SLC36A1: variants seen among roughly 807,000 people sequenced by gnomAD.
SLC36A1 encodes solute carrier family 36 member 1.
Under a neutral mutation model 47.5 loss-of-function variants are expected in SLC36A1, and 30 were observed. That is an observed-to-expected ratio of 0.63 (90% CI 0.47 to 0.86). The LOEUF (loss-of-function observed/expected upper bound fraction) is 0.86. Among genes scored for constraint, SLC36A1 ranks in the 40% least tolerant of loss-of-function variants. SLC36A1 has a pLI of 0.00. For missense variants in SLC36A1, 517 were observed against 606.0 expected (o/e 0.85, Z 1.54); for synonymous variants, 255 against 249.7 (o/e 1.02, Z -0.20).
Position 151,468,301 on chromosome 5 carries a change from T to TAAAAA in SLC36A1, c.723+377_723+378insAAAAA, listed in dbSNP as rs1440214030. On this transcript the variant is annotated intron_variant, in intron 7 of 10. Transcript: ENST00000243389. ...TATATATATATATATATATTTTATA[T>TAAAAA]ATATATATTTACATATATGTGTATA... is the stretch of plus-strand genomic sequence containing the variant. Among the ~76,000 whole-genome samples, 77 of 93,374 alleles carry TAAAAA rather than the reference T, an allele frequency of 8.2e-4. 1 individual carries two copies. The highest frequency in any genetic ancestry group is 2.5e-3 in the African/African-American group (62 of 24,842). 61.3% of individuals were successfully genotyped at this position (93,374 alleles called of 152,430 possible). A position where few individuals can be genotyped will look rare whatever the true frequency, so the allele number is the denominator to read the frequency against.
chr5:151,374,129 GGACACCTACCCTGGCCGGAA>G, the SLC36A1 span, among the ~76,000 whole-genome samples: 3 of 152,150 alleles, frequency 2.0e-5, no homozygotes, highest in Non-Finnish European at 1.5e-5. Flanking sequence ...GCTGGCTGGA[GGACACCTACCCTGGCCGGAA>G]GACACCTACC....
intron 1 of SLC36A1, among the ~76,000 whole-genome samples, chr5:151,441,375 T>C: frequency 6.6e-6 from 1 of 152,232 alleles, no homozygotes. Context: ...CAAGAGGTTG[T>C]ATTTAATGTA....
the SLC36A1 span, chr5:151,525,922 C>T: frequency 1.9e-6 from 3 of 1,614,206 alleles, no homozygotes; most frequent in Middle Eastern, 3.3e-4. Flanking sequence ...ATCTGGGTCA[C>T]TCAGGATCAG....
rs186971721 is a variant in SLC36A1 at position 151,452,691 on chromosome 5, A to C, written c.-6+4878A>C. ...TGAGACCAGCCTGGCCAACACGGAG[A>C]AACTCCATCTCTACTAAAAACACAA... is the stretch of plus-strand genomic sequence containing the variant. On this transcript the variant is annotated intron_variant, in intron 1 of 10. Coordinates refer to ENST00000243389, the MANE Select transcript of SLC36A1 (RefSeq NM_078483.4). Among the ~76,000 whole-genome samples the C allele has an allele frequency of 4.0e-3, 602 of 152,078 alleles. 5 individuals are homozygous for C. Among genetic ancestry groups the C allele is most frequent in the African/African-American group, 0.014 (571 of 41,464 alleles).
chr5:151,473,981 G>A (rs1216547651), intron 8 of SLC36A1, among the ~76,000 whole-genome samples: 1 of 151,510 alleles, frequency 6.6e-6, no homozygotes, highest in Non-Finnish European at 1.5e-5. Flanking sequence ...CCAACATGGT[G>A]AAACCCCATC....
chr5:151,367,613 T>C, the SLC36A1 span, among the ~76,000 whole-genome samples: 474 of 152,268 alleles, frequency 3.1e-3, 2 homozygotes, highest in African/African-American at 0.011. Flanking sequence ...ACAATCAATT[T>C]GTACAGTTAA....
chr5:151,365,313 T>C, the SLC36A1 span, among the ~76,000 whole-genome samples: 1 of 152,228 alleles, frequency 6.6e-6, no homozygotes, highest in African/African-American at 2.4e-5. Context: ...CTGTGGCATA[T>C]AGATGTGATG....
the SLC36A1 span, among the ~76,000 whole-genome samples, chr5:151,539,970 G>T: frequency 5.4e-3 from 816 of 152,358 alleles, 8 homozygotes; most frequent in African/African-American, 0.018. Flanking sequence ...CAGATGTGAG[G>T]AGGTGCATAT....
At chr5:151,429,108 A>G in the SLC36A1 span, among the ~76,000 whole-genome samples, 1 of 152,228 alleles carries the variant, frequency 6.6e-6, no homozygotes, top group African/African-American at 2.4e-5. Context: ...CATGATGCTT[A>G]TCCCTATGGC....
At chr5:151,461,156 T>C (rs917443287) in intron 2 of SLC36A1, among the ~76,000 whole-genome samples, 1 of 52,616 alleles carries the variant, frequency 1.9e-5, no homozygotes, top group Non-Finnish European at 3.0e-5. Context: ...CTTTTTGTAT[T>C]TTTTTTTTTT....
At chr5:151,394,756 T>A in the SLC36A1 span, among the ~76,000 whole-genome samples, 1 of 152,354 alleles carries the variant, frequency 6.6e-6, no homozygotes, top group South Asian at 2.1e-4. Flanking sequence ...TGATCGTTCC[T>A]CTGGAAGCTT....
intron 1 of SLC36A1, among the ~76,000 whole-genome samples, chr5:151,451,678 G>A (rs946536884): frequency 2.6e-5 from 4 of 152,090 alleles, no homozygotes; most frequent in African/African-American, 9.7e-5. Flanking sequence ...TAACAATATT[G>A]TGATGTAGAT....
Position 151,487,976 on chromosome 5 carries a change from C to T in SLC36A1, c.1160-7C>T, listed in dbSNP as rs1394020786. On this transcript the variant is annotated splice_polypyrimidine_tract_variant and splice_region_variant and intron_variant, in intron 10 of 10. Transcript: ENST00000243389. ...ATCTTAAACAGGCATGTCCTCTCTC[C>T]CTGCAGGCATCTTGGCCATCCTCAT... The T allele has an allele frequency of 6.2e-7, 1 of 1,613,886 alleles. No homozygotes were observed. The highest frequency in any genetic ancestry group is 1.7e-5 in the Admixed American group (1 of 60,026).
chr5:151,449,653 A>G (rs1753320523), intron 1 of SLC36A1, among the ~76,000 whole-genome samples: 1 of 152,208 alleles, frequency 6.6e-6, no homozygotes, highest in African/African-American at 2.4e-5. Context: ...TACAACTGGG[A>G]CCAATAGATG....
chr5:151,469,281 T>C (rs1379056262), intron 7 of SLC36A1: 2 of 697,540 alleles, frequency 2.9e-6, no homozygotes, highest in South Asian at 1.5e-5. Flanking sequence ...TGTAAGTATA[T>C]TGAGAAATAC....
At chr5:151,511,128 A>C in the SLC36A1 span, 1 of 152,464 alleles carries the variant, frequency 6.6e-6, no homozygotes, top group Admixed American at 6.5e-5. Flanking sequence ...CCAGGGTGAG[A>C]GGTGATGGGG....
chr5:151,550,688 C>T, the SLC36A1 span: 1 of 1,614,202 alleles, frequency 6.2e-7, no homozygotes, highest in Non-Finnish European at 8.5e-7. Flanking sequence ...AAGAGGCTGG[C>T]ACTTCCTGGG....
chr5:151,540,846 G>T, the SLC36A1 span: 1 of 1,250,600 alleles, frequency 8.0e-7, no homozygotes, highest in Non-Finnish European at 1.1e-6. Context: ...CCCATTGGAT[G>T]CATTTTTTAG....
chr5:151,524,154 T>G, the SLC36A1 span, among the ~76,000 whole-genome samples: 10 of 152,222 alleles, frequency 6.6e-5, 2 homozygotes, highest in Admixed American at 5.9e-4. Flanking sequence ...AGAGGATCCC[T>G]TTTCCGTCTG....
Sources: allele counts gnomAD v4.1 joint callset (sites outside exome capture counted in the v4.1 genomes callset), GRCh38; gene constraint gnomAD v4.1.1; transcripts MANE v1.5; gene names NCBI Gene and HGNC (gene_info 2026-07-23, HGNC 2026-07-21).